The following ARHGEF4 variants were observed in gnomAD, a reference collection of about 807,000 sequenced individuals.
The protein encoded by ARHGEF4 is Rho guanine nucleotide exchange factor 4.
Under a neutral mutation model 162.0 loss-of-function variants are expected in ARHGEF4, and 119 were observed. The observed-to-expected ratio is 0.73, with a 90% CI of 0.63 to 0.86. ARHGEF4 has a LOEUF of 0.86. Ranked by LOEUF, ARHGEF4 falls within the 40% of genes least tolerant of loss-of-function variation. ARHGEF4 has a pLI of 0.00. For missense variants in ARHGEF4, 2,488 were observed against 2,456.0 expected (o/e 1.01, Z -0.28); for synonymous variants, 1,014 against 979.9 (o/e 1.03, Z -0.65).
chr2:130,960,895 G>T (rs1684586438), intron 4 of ARHGEF4, among the ~76,000 whole-genome samples: 1 of 152,200 alleles, frequency 6.6e-6, no homozygotes. Context: ...AGACAGCTAG[G>T]AGCAGGAGAC....
At chr2:130,928,245 T>C (rs948348945) in intron 2 of ARHGEF4, among the ~76,000 whole-genome samples, 7 of 152,210 alleles carry the variant, frequency 4.6e-5, no homozygotes, top group African/African-American at 1.7e-4. Flanking sequence ...TAAGTCAATG[T>C]TTAGAGGTCT....
chr2:131,024,366 G>A (rs1689339798), intron 4 of ARHGEF4, among the ~76,000 whole-genome samples: 1 of 152,128 alleles, frequency 6.6e-6, no homozygotes, highest in Non-Finnish European at 1.5e-5. Context: ...ACCTCCGCCT[G>A]CTGGGTTCAA....
intron 4 of ARHGEF4, among the ~76,000 whole-genome samples, chr2:130,957,770 C>T (rs902585686): frequency 6.6e-6 from 1 of 152,106 alleles, no homozygotes; most frequent in Non-Finnish European, 1.5e-5. Flanking sequence ...CTCTTTCCCA[C>T]CGTGTGAGGA....
chr2:130,958,232 G>A (rs1326958799), intron 4 of ARHGEF4, among the ~76,000 whole-genome samples: 2 of 152,070 alleles, frequency 1.3e-5, no homozygotes, highest in Non-Finnish European at 2.9e-5. Flanking sequence ...TAGGGAGAAG[G>A]AGCCCTGTGT....
At chr2:130,945,226 G>T in intron 3 of ARHGEF4, among the ~76,000 whole-genome samples, 1 of 151,934 alleles carries the variant, frequency 6.6e-6, no homozygotes, top group African/African-American at 2.4e-5. Flanking sequence ...TGGTGTCTAG[G>T]AGCCCTCCTT....
chr2:130,971,399 G>A (rs1471652224), intron 4 of ARHGEF4, among the ~76,000 whole-genome samples: 2 of 152,086 alleles, frequency 1.3e-5, no homozygotes, highest in African/African-American at 4.8e-5. Flanking sequence ...AGTGGCTCAC[G>A]CCTGTAATCC....
chr2:130,919,082 T>G (rs1222897091), intron 2 of ARHGEF4, among the ~76,000 whole-genome samples: 1 of 152,208 alleles, frequency 6.6e-6, no homozygotes, highest in African/African-American at 2.4e-5. Context: ...CTTTCTTGCT[T>G]GCTTAATACA....
In ARHGEF4 at chr2:131,041,858, G is replaced by A. The variant is rs760779858; in HGVS notation, c.4939G>A (p.Val1647Met). 10 of 1,613,572 alleles carry A rather than the reference G, an allele frequency of 6.2e-6. No homozygotes were observed. Among genetic ancestry groups the A allele is most frequent in the Non-Finnish European group, 7.6e-6 (9 of 1,180,034 alleles). Residue 1647 changes from valine (V) to methionine (M), a missense_variant, in exon 10 of 14, where the codon GTG becomes ATG. Transcript: ENST00000409359. ...AGCCGCCTTGCATGCCATGAAGAACGTGGCCCAGCTCATCAACGAGCGGAA... is the reference window on the plus strand; with the variant it reads ...AGCCGCCTTGCATGCCATGAAGAACATGGCCCAGCTCATCAACGAGCGGAA... Reference protein sequence around the residue: ...VEAALHAMKNVAQLINERKRR... With the variant: ...VEAALHAMKNMAQLINERKRR...
chr2:130,846,908 C>T (rs1031337556), intron 1 of ARHGEF4, among the ~76,000 whole-genome samples: 1 of 152,184 alleles, frequency 6.6e-6, no homozygotes, highest in Non-Finnish European at 1.5e-5. Context: ...GTACGTTTAG[C>T]AGGAGAATCA....
intron 10 of ARHGEF4, among the ~76,000 whole-genome samples, chr2:131,042,835 A>AGCCC (rs1690921318): frequency 6.6e-6 from 1 of 152,196 alleles, no homozygotes; most frequent in Non-Finnish European, 1.5e-5. Context: ...GCTTAGTCTA[A>AGCCC]AAGTATGAAG....
chr2:130,995,478 CTCT>C (rs1025963849), intron 4 of ARHGEF4, among the ~76,000 whole-genome samples: 2 of 152,158 alleles, frequency 1.3e-5, no homozygotes, highest in African/African-American at 4.8e-5. Context: ...TCATCTGGAC[CTCT>C]TGTGGATCTG....
At chr2:130,878,114 G>A (rs752974921) in intron 1 of ARHGEF4, among the ~76,000 whole-genome samples, 2 of 152,120 alleles carry the variant, frequency 1.3e-5, no homozygotes, top group African/African-American at 4.8e-5. Flanking sequence ...GATAATAAAG[G>A]GTTGGCAAAA....
At position 131,043,566 on chromosome 2, in the gene ARHGEF4, C is replaced by G. The variant is rs761405989; in HGVS notation, c.5140C>G (p.Leu1714Val). The G allele has an allele frequency of 1.2e-5, 19 of 1,613,974 alleles. No individual in the cohort carries two copies. Among genetic ancestry groups the G allele is most frequent in the Admixed American group, 8.3e-5 (5 of 60,006 alleles). ...AATGTTCTTTCTCTTTGACCACCAG[C>G]TCATCTACTGTAAGAAGGTACCAGA... ...QRMFFLFDHQLIYCKKDLLRR... is the reference protein window; with the variant it reads ...QRMFFLFDHQVIYCKKDLLRR... Residue 1714 changes from leucine to valine, a missense_variant, in exon 11 of 14, where the codon CTC becomes GTC. Around this residue, in one of 6 missense-constraint regions of ARHGEF4, gnomAD observed 415 missense variants for 512.4 expected, o/e 0.81. Coordinates refer to ENST00000409359, the MANE Select transcript of ARHGEF4 (RefSeq NM_001367493.1).
At chr2:130,923,753 C>T (rs1319610016) in intron 2 of ARHGEF4, among the ~76,000 whole-genome samples, 1 of 152,198 alleles carries the variant, frequency 6.6e-6, no homozygotes. Flanking sequence ...CAAGTCTCAA[C>T]TGATGAGGAA....
intron 4 of ARHGEF4, among the ~76,000 whole-genome samples, chr2:130,999,456 A>G (rs780508918): frequency 1.4e-4 from 22 of 152,018 alleles, no homozygotes; most frequent in Non-Finnish European, 2.4e-4. Flanking sequence ...GTGCCCGGCC[A>G]TAATCGAGTT....
intron 1 of ARHGEF4, among the ~76,000 whole-genome samples, chr2:130,896,126 T>C (rs1034054206): frequency 3.3e-5 from 5 of 152,216 alleles, no homozygotes; most frequent in Non-Finnish European, 7.3e-5. Flanking sequence ...TATTATTCTT[T>C]TTCCATTAAA....
intron 3 of ARHGEF4, among the ~76,000 whole-genome samples, chr2:130,940,670 TA>T (rs1374191040): frequency 6.4e-4 from 86 of 134,010 alleles, no homozygotes; most frequent in Admixed American, 7.6e-4. Context: ...CTACTAAAAA[TA>T]AAAAAAAAAA....
intron 4 of ARHGEF4, among the ~76,000 whole-genome samples, chr2:131,018,387 G>T (rs895276926): frequency 6.6e-6 from 1 of 152,152 alleles, no homozygotes; most frequent in East Asian, 1.9e-4. Context: ...CTTCTTTGAA[G>T]AAATGTCTAT....
intron 4 of ARHGEF4, chr2:130,964,177 G>A: frequency 1.0e-6 from 1 of 985,336 alleles, no homozygotes; most frequent in Non-Finnish European, 1.2e-6. Context: ...TGGCGGCCGC[G>A]GAGGCAACGG....
Sources: gnomAD v4.1 joint callset for allele counts (sites outside exome capture counted in the v4.1 genomes callset) on GRCh38, gnomAD v4.1.1 for gene constraint, gnomAD v4.1.1 regional missense constraint, MANE v1.5 for transcripts, NCBI Gene and HGNC (gene_info 2026-07-23, HGNC 2026-07-21) for gene names.